The following ITSN1 variants were observed in gnomAD, a reference collection of about 807,000 sequenced individuals.
ITSN1 encodes the protein intersectin 1.
Under a neutral mutation model 239.8 loss-of-function variants are expected in ITSN1, and 58 were observed. The observed-to-expected ratio is 0.24, with a 90% CI of 0.20 to 0.30. The LOEUF is 0.30. Ranked by LOEUF, ITSN1 falls within the 10% of genes least tolerant of loss-of-function variation. ITSN1 has a pLI of 1.00. For missense variants in ITSN1, 1,558 were observed against 2,103.3 expected (o/e 0.74, Z 5.07); for synonymous variants, 780 against 770.8 (o/e 1.01, Z -0.20).
intron 5 of ITSN1, among the ~76,000 whole-genome samples, chr21:33,744,101 A>G (rs1221702517): frequency 6.6e-6 from 1 of 152,240 alleles, no homozygotes; most frequent in Non-Finnish European, 1.5e-5. Context: ...TGAGGAGGAG[A>G]GAGTATCGGA....
chr21:33,883,442 G>A, intron 35 of ITSN1, 108 bp from the exon 36 acceptor site: 1 of 1,468,732 alleles, frequency 6.8e-7, no homozygotes, highest in Non-Finnish European at 9.3e-7. Context: ...CTGACTTGCA[G>A]TCTCGTTTAC....
chr21:33,827,357 T>G (rs796727031), intron 26 of ITSN1, among the ~76,000 whole-genome samples: 22 of 152,076 alleles, frequency 1.4e-4, no homozygotes, highest in African/African-American at 5.3e-4. Flanking sequence ...CCGAGGTTGC[T>G]CCACTTCACT....
intron 1 of ITSN1, among the ~76,000 whole-genome samples, chr21:33,692,455 T>C (rs2091591480): frequency 6.6e-6 from 1 of 152,314 alleles, no homozygotes; most frequent in Non-Finnish European, 1.5e-5. Context: ...AAATTACTCA[T>C]GGTCTTGCTG....
At chr21:33,887,302 G>C (rs1985945459) in intron 39 of ITSN1, among the ~76,000 whole-genome samples, 1 of 142,464 alleles carries the variant, frequency 7.0e-6, no homozygotes, top group African/African-American at 2.7e-5. Context: ...CTGGGCAACA[G>C]AGCAAGATCC....
At chr21:33,782,165 C>A in intron 16 of ITSN1, 32 bp downstream of exon 16, 1 of 1,598,784 alleles carries the variant, frequency 6.3e-7, no homozygotes, top group South Asian at 1.1e-5. Flanking sequence ...GCATGTGTGT[C>A]CTACCTTTAA....
chr21:33,752,432 ATG>A (rs550704357), intron 7 of ITSN1, among the ~76,000 whole-genome samples: 110 of 152,338 alleles, frequency 7.2e-4, no homozygotes, highest in African/African-American at 2.5e-3. Flanking sequence ...CATTAATCAA[ATG>A]TGTGGCTCAA....
At chr21:33,656,732 G>A (rs766961593) in intron 1 of ITSN1, among the ~76,000 whole-genome samples, 1 of 151,788 alleles carries the variant, frequency 6.6e-6, no homozygotes, top group Non-Finnish European at 1.5e-5. Context: ...TATTTATTTG[G>A]CAGAGTCTCA....
intron 5 of ITSN1, among the ~76,000 whole-genome samples, chr21:33,739,145 C>A: frequency 6.6e-6 from 1 of 152,116 alleles, no homozygotes; most frequent in Non-Finnish European, 1.5e-5. Context: ...AAGGCTCAGA[C>A]TGGAGTCTGA....
chr21:33,719,952 T>G (rs371805547), intron 2 of ITSN1, among the ~76,000 whole-genome samples: 2 of 152,372 alleles, frequency 1.3e-5, no homozygotes, highest in East Asian at 1.9e-4. Flanking sequence ...TCTTGGAAGC[T>G]GTCTAATCTT....
chr21:33,746,230 G>A (rs1358905956), intron 5 of ITSN1, among the ~76,000 whole-genome samples: 5 of 152,120 alleles, frequency 3.3e-5, no homozygotes, highest in Non-Finnish European at 5.9e-5. Flanking sequence ...CAACCTTCAG[G>A]GGGAAAATCA....
intron 5 of ITSN1, among the ~76,000 whole-genome samples, chr21:33,743,014 G>A (rs1330067154): frequency 1.3e-5 from 2 of 152,080 alleles, no homozygotes; most frequent in African/African-American, 4.8e-5. Flanking sequence ...AGACTTGAAA[G>A]ATGAAAATCA....
intron 29 of ITSN1, among the ~76,000 whole-genome samples, chr21:33,839,899 C>T (rs1026634094): frequency 2.0e-5 from 3 of 152,180 alleles, no homozygotes; most frequent in Admixed American, 6.5e-5. Context: ...TGCTGCTCCT[C>T]ATCCTGCAGT....
intron 29 of ITSN1, among the ~76,000 whole-genome samples, chr21:33,839,212 G>GAACA (rs1343824329): frequency 1.3e-5 from 2 of 152,190 alleles, no homozygotes; most frequent in Non-Finnish European, 2.9e-5. Flanking sequence ...GTAATGGAAG[G>GAACA]AACAAACAGA....
rs114077027 is a variant in ITSN1 at position 33,822,891 on chromosome 21, T to C, written c.3017-596T>C. ...AACAATATGTGTAACTCATTTTGTGTTCTAACAGCTTCCTATCATATTGTG... is the reference window on the plus strand; with the variant it reads ...AACAATATGTGTAACTCATTTTGTGCTCTAACAGCTTCCTATCATATTGTG... On this transcript the variant is annotated intron_variant, in intron 24 of 39. Coordinates refer to ENST00000381318, the MANE Select transcript of ITSN1 (RefSeq NM_003024.3). Among the ~76,000 whole-genome samples the C allele has an allele frequency of 3.3e-3, 498 of 152,332 alleles. 3 individuals are homozygous for C. Among genetic ancestry groups the C allele is most frequent in the African/African-American group, 0.012 (484 of 41,576 alleles).
chr21:33,710,910 A>G (rs368887553), intron 1 of ITSN1, among the ~76,000 whole-genome samples: 1 of 149,950 alleles, frequency 6.7e-6, no homozygotes, highest in East Asian at 2.0e-4. Context: ...GGTTCAAGTG[A>G]TTCTCCTGCC....
intron 26 of ITSN1, among the ~76,000 whole-genome samples, chr21:33,827,683 G>A (rs2074049233): frequency 6.6e-6 from 1 of 152,264 alleles, no homozygotes; most frequent in African/African-American, 2.4e-5. Context: ...AATCCAAAGT[G>A]TTTTAGTTTA....
intron 1 of ITSN1, among the ~76,000 whole-genome samples, chr21:33,713,858 G>T (rs150789781): frequency 2.1e-5 from 2 of 95,828 alleles, no homozygotes; most frequent in African/African-American, 7.7e-5. Context: ...TTTTTGAGAC[G>T]GAGTCTTGCT....
At chr21:33,751,493 A>G (rs533759797) in intron 6 of ITSN1, among the ~76,000 whole-genome samples, 1 of 152,364 alleles carries the variant, frequency 6.6e-6, no homozygotes, top group Admixed American at 6.5e-5. Flanking sequence ...ACCATTTTAT[A>G]TATTTAAGCT....
chr21:33,800,967 G>A (rs2071957010), intron 19 of ITSN1, among the ~76,000 whole-genome samples: 1 of 139,932 alleles, frequency 7.1e-6, no homozygotes, highest in Non-Finnish European at 1.6e-5. Flanking sequence ...CCGGGCTCAA[G>A]CAAAGCGATT....
Sources: gnomAD v4.1 joint callset for allele counts (sites outside exome capture counted in the v4.1 genomes callset) on GRCh38, gnomAD v4.1.1 for gene constraint, MANE v1.5 for transcripts, NCBI Gene and HGNC (gene_info 2026-07-23, HGNC 2026-07-21) for gene names.